FOXP1: variants seen among roughly 807,000 people sequenced by gnomAD.
FOXP1 encodes forkhead box protein P1.
In FOXP1, 15 loss-of-function variants were observed where a neutral mutation model predicts 98.2. That is an observed-to-expected ratio of 0.15 (90% CI 0.10 to 0.24). The LOEUF (loss-of-function observed/expected upper bound fraction) is 0.24. Ranked by LOEUF, FOXP1 falls within the 10% of genes least tolerant of loss-of-function variation. The probability of loss-of-function intolerance (pLI) is 1.00; values close to 1 mark genes in which losing one functional copy is unlikely to be tolerated. For synonymous variants in FOXP1, 371 were observed against 314.5 expected (o/e 1.18, Z -1.90); for missense variants, 633 against 848.5 (o/e 0.75, Z 3.15).
chr3:71,101,364 C>A (rs1230490533), intron 7 of FOXP1, among the ~76,000 whole-genome samples: 1 of 151,980 alleles, frequency 6.6e-6, no homozygotes, highest in African/African-American at 2.4e-5. Context: ...AAGCACACAG[C>A]CCAGATGCAC....
At chr3:71,041,261 A>C in intron 11 of FOXP1, 67 bp downstream of exon 11, 1 of 1,278,266 alleles carries the variant, frequency 7.8e-7, no homozygotes, top group Non-Finnish European at 1.1e-6. Flanking sequence ...AGATATGACG[A>C]GGCAGGGCCA....
rs892690703 is a variant in FOXP1, at chr3:71,493,521, G to A, written c.-263C>T. ...TCACCATTGCCGAAATGTTTTGTTC[G>A]GAAACTGGAATTGTCAACAAAAGCT... is the stretch of plus-strand genomic sequence containing the variant. On this transcript the variant is annotated 5_prime_UTR_variant, in exon 3 of 21. Transcript: ENST00000649528. 4 of 152,230 alleles carry A rather than the reference G, an allele frequency of 2.6e-5. No homozygotes were observed. Among genetic ancestry groups the A allele is most frequent in the Middle Eastern group, 3.4e-3 (1 of 294 alleles). 9.4% of individuals were successfully genotyped at this position (152,230 alleles called of 1,614,324 possible).
intron 3 of FOXP1, among the ~76,000 whole-genome samples, chr3:71,454,489 A>C (rs1478886396): frequency 6.6e-5 from 10 of 152,104 alleles, no homozygotes; most frequent in Non-Finnish European, 1.3e-4. Context: ...ATTTTCAAAA[A>C]CTCCACAATA....
chr3:71,135,562 A>G (rs1351876286), intron 6 of FOXP1, among the ~76,000 whole-genome samples: 1 of 152,198 alleles, frequency 6.6e-6, no homozygotes, highest in East Asian at 1.9e-4. Flanking sequence ...AGTTTACAGC[A>G]GGCCAGAACT....
intron 3 of FOXP1, among the ~76,000 whole-genome samples, chr3:71,491,840 A>G (rs965791684): frequency 9.8e-5 from 15 of 152,358 alleles, no homozygotes; most frequent in South Asian, 4.1e-4. Context: ...AATGACCTCT[A>G]GCTATAAAAT....
intron 4 of FOXP1, among the ~76,000 whole-genome samples, chr3:71,346,361 G>GTGGC (rs1313959089): frequency 4.6e-5 from 7 of 152,224 alleles, no homozygotes; most frequent in Admixed American, 2.0e-4. Context: ...CCAAGCAAAC[G>GTGGC]TGGCTGTTTT....
At chr3:71,212,916 C>T (rs1402356325) in intron 5 of FOXP1, among the ~76,000 whole-genome samples, 1 of 149,796 alleles carries the variant, frequency 6.7e-6, no homozygotes, top group Non-Finnish European at 1.5e-5. Flanking sequence ...TTTATGGGAA[C>T]AATGACATGA....
chr3:71,144,614 A>C (rs2060218375), intron 6 of FOXP1, among the ~76,000 whole-genome samples: 1 of 152,238 alleles, frequency 6.6e-6, no homozygotes, highest in Non-Finnish European at 1.5e-5. Flanking sequence ...GGGACCTGAC[A>C]GAACGGGCGA....
At chr3:71,461,810 A>C (rs1184843714) in intron 3 of FOXP1, among the ~76,000 whole-genome samples, 1 of 152,102 alleles carries the variant, frequency 6.6e-6, no homozygotes, top group Non-Finnish European at 1.5e-5. Flanking sequence ...GAAGAAAAAA[A>C]AAAAAGAAGG....
intron 3 of FOXP1, among the ~76,000 whole-genome samples, chr3:71,464,059 C>T (rs1390354404): frequency 2.0e-5 from 3 of 152,206 alleles, no homozygotes; most frequent in African/African-American, 7.2e-5. Context: ...AGGAGGACTG[C>T]TTAAGCTCAG....
At position 70,979,300 on chromosome 3, in the gene FOXP1, A is replaced by AG. The variant is rs1316700869; in HGVS notation, c.1147-1272_1147-1271insC. ...ACCTCAAAAAAAAAAAAAAAAAAAA[A>AG]AAAAAAAAAAAAAAAAAAAAGAAAA... On this transcript the variant is annotated intron_variant, in intron 14 of 20. Transcript: ENST00000649528. Among the ~76,000 whole-genome samples the AG allele has an allele frequency of 6.1e-4, 70 of 115,120 alleles. 3 individuals carry two copies. The highest frequency in any genetic ancestry group is 1.2e-3 in the Non-Finnish European group (59 of 50,700). 75.5% of individuals were successfully genotyped at this position (115,120 alleles called of 152,430 possible). A position where few individuals can be genotyped will look rare whatever the true frequency, so the allele number is the denominator to read the frequency against.
chr3:71,441,838 G>A (rs917438460), intron 3 of FOXP1, among the ~76,000 whole-genome samples: 4 of 152,186 alleles, frequency 2.6e-5, no homozygotes, highest in Non-Finnish European at 5.9e-5. Flanking sequence ...CATCTTGGCA[G>A]CCTATCAACC....
chr3:71,427,039 TGACA>T (rs2084222085), intron 3 of FOXP1, among the ~76,000 whole-genome samples: 1 of 146,248 alleles, frequency 6.8e-6, no homozygotes, highest in Admixed American at 7.0e-5. Flanking sequence ...CTGGCCTGGG[TGACA>T]GAGCGAGACT....
At chr3:71,230,790 GA>G (rs1208872903) in intron 5 of FOXP1, among the ~76,000 whole-genome samples, 2 of 152,296 alleles carry the variant, frequency 1.3e-5, no homozygotes, top group African/African-American at 4.8e-5. Flanking sequence ...ATTCCAAAAC[GA>G]AAGTGTTTTG....
intron 3 of FOXP1, among the ~76,000 whole-genome samples, chr3:71,467,329 G>C (rs927116534): frequency 6.6e-5 from 10 of 152,150 alleles, no homozygotes; most frequent in African/African-American, 2.4e-4. Flanking sequence ...GAACGAAGTA[G>C]GATTTCAGCA....
intron 4 of FOXP1, among the ~76,000 whole-genome samples, chr3:71,354,184 C>A: frequency 6.7e-6 from 1 of 150,094 alleles, no homozygotes. Context: ...GAGGCTGAGG[C>A]AGGAGAATCG....
chr3:71,013,281 C>T (rs2043932685), intron 12 of FOXP1, among the ~76,000 whole-genome samples: 1 of 152,154 alleles, frequency 6.6e-6, no homozygotes, highest in Non-Finnish European at 1.5e-5. Flanking sequence ...GGTAGCTTTC[C>T]TCGCCATCTG....
chr3:71,072,635 T>C (rs577534443), intron 7 of FOXP1, among the ~76,000 whole-genome samples: 3 of 152,368 alleles, frequency 2.0e-5, no homozygotes, highest in Admixed American at 2.0e-4. Context: ...AACATATTTA[T>C]GTTTTTTTGT....
At chr3:71,495,952 A>G (rs2091377117) in intron 2 of FOXP1, among the ~76,000 whole-genome samples, 2 of 152,162 alleles carry the variant, frequency 1.3e-5, no homozygotes. Context: ...CAAGCTGAGA[A>G]ATCCTCACTT....
Sources: gnomAD v4.1 joint callset for allele counts (sites outside exome capture counted in the v4.1 genomes callset) on GRCh38, gnomAD v4.1.1 for gene constraint, MANE v1.5 for transcripts, NCBI Gene and HGNC (gene_info 2026-07-23, HGNC 2026-07-21) for gene names.